Variants in CES5A observed in about 807,000 individuals in gnomAD.
CES5A encodes carboxylesterase 5A, also known as carboxylesterase 5.
Under a neutral mutation model 62.9 loss-of-function variants are expected in CES5A, and 67 were observed. The observed-to-expected ratio is 1.07, with a 90% CI of 0.88 to 1.31. CES5A has a LOEUF of 1.31. CES5A is among the 50% of genes most tolerant of loss of function. CES5A has a pLI of 0.00. For missense variants in CES5A, 748 were observed against 708.5 expected, an observed-to-expected ratio of 1.06 and a Z score of -0.63; for synonymous variants, 296 against 280.8, an observed-to-expected ratio of 1.05 and a Z score of -0.54.
intron 10 of CES5A, 78 bp from the exon 11 acceptor site, chr16:55,849,851 T>C: frequency 1.3e-6 from 2 of 1,484,186 alleles, no homozygotes; most frequent in African/African-American, 2.8e-5. Context: ...ACCTATCAAG[T>C]CTTGGATGTA....
intron 9 of CES5A, among the ~76,000 whole-genome samples, chr16:55,855,241 C>G (rs1247874968): frequency 6.6e-6 from 1 of 152,158 alleles, no homozygotes; most frequent in African/African-American, 2.4e-5. Flanking sequence ...CACATGTGTT[C>G]CATGGACAAG....
intron 5 of CES5A, among the ~76,000 whole-genome samples, 171 bp from the exon 6 acceptor site, chr16:55,863,623 G>C (rs2033398685): frequency 6.6e-6 from 1 of 152,180 alleles, no homozygotes; most frequent in African/African-American, 2.4e-5. Flanking sequence ...GTTTGGGCAA[G>C]TTACTCAACC....
chr16:55,937,780 T>C (rs1301258697), intron 2 of CES5A, among the ~76,000 whole-genome samples: 1 of 152,160 alleles, frequency 6.6e-6, no homozygotes, highest in African/African-American at 2.4e-5. Flanking sequence ...AGCCTGACCT[T>C]GGACAGGGCC....
rs190529497 is a variant in CES5A at position 55,949,738 on chromosome 16, C to T, written c.160+47G>A. ...GACTGTGAGTCAGCTGTTGGCCAGACTCAAGGGGCAGACCCAACCCTGGTA... is the reference window on the plus strand; with the variant it reads ...GACTGTGAGTCAGCTGTTGGCCAGATTCAAGGGGCAGACCCAACCCTGGTA... On this transcript the variant is annotated intron_variant, in intron 2 of 13. Coordinates refer to the CES5A transcript ENST00000521992. The T allele has an allele frequency of 1.4e-5, 12 of 866,748 alleles. No individual in the cohort carries two copies. The Admixed American group carries it at 3.2e-4, about 23-fold the overall frequency. The allele number at this position is 866,748 out of a possible 1,614,324, so 53.7% of individuals were successfully genotyped here. A position where few individuals can be genotyped will look rare whatever the true frequency, so the allele number is the denominator to read the frequency against.
chr16:55,853,146 C>T (rs1167809917), intron 9 of CES5A, 118 bp from the exon 10 acceptor site: 2 of 960,490 alleles, frequency 2.1e-6, no homozygotes, highest in Non-Finnish European at 3.2e-6. Context: ...ATTTAACCCA[C>T]ACAGCAACCC....
At chr16:55,943,989 C>T (rs183819620) in intron 2 of CES5A, 2 of 700,584 alleles carry the variant, frequency 2.9e-6, no homozygotes. Flanking sequence ...CCAGGTATCC[C>T]ACCTGAGGAT....
At chr16:55,935,962 A>C (rs761529440) in intron 2 of CES5A, among the ~76,000 whole-genome samples, 2 of 152,224 alleles carry the variant, frequency 1.3e-5, no homozygotes, top group African/African-American at 2.4e-5. Flanking sequence ...GAGATGGCAC[A>C]CAAAAGCTGA....
chr16:55,866,601 T>C (rs1316621077), intron 4 of CES5A, among the ~76,000 whole-genome samples: 1 of 145,670 alleles, frequency 6.9e-6, no homozygotes, highest in African/African-American at 2.6e-5. Flanking sequence ...GGCGGGCAGA[T>C]CATGATGTCA....
At chr16:55,869,136 C>T (rs2033530393) in intron 4 of CES5A, among the ~76,000 whole-genome samples, 1 of 152,232 alleles carries the variant, frequency 6.6e-6, no homozygotes. Flanking sequence ...AGTGGGGCTA[C>T]ATGGCCCCAG....
At chr16:55,929,743 A>C (rs1329073916), upstream of CES5A, among the ~76,000 whole-genome samples, 3 of 152,258 alleles carry the variant, frequency 2.0e-5, no homozygotes, top group African/African-American at 7.2e-5. Context: ...GAATCATGAA[A>C]GTGCAGGATT....
Position 55,852,913 on chromosome 16 carries a change from A to C in CES5A, c.1241T>G (p.Val414Gly). 6.2e-7 allele frequency: 1 copy of C among 1,614,090 alleles called. No individual in the cohort carries two copies. Among genetic ancestry groups the C allele is most frequent in the East Asian group, 2.2e-5 (1 of 44,880 alleles). ...LDLLGDVFFV[V>G]PALITARYHR... ...ATATCGAGCTGTGATCAGTGCAGGG[A>C]CCACAAAGAACACATCTCCAAGCAA... The change falls in exon 10 of 13, where the codon GTC (valine) becomes GGC (glycine). Residue 414 changes from valine (V) to glycine (G), a missense_variant. Val to Gly is a moderately radical substitution (Grantham distance 109). Coordinates refer to ENST00000290567, the MANE Select transcript of CES5A (RefSeq NM_001143685.2).
chr16:55,849,724 G>T lies in CES5A; in HGVS notation c.1323C>A (p.Cys441Ter). The T allele has an allele frequency of 6.2e-7, 1 of 1,613,996 alleles. No homozygotes were observed. Among genetic ancestry groups the T allele is most frequent in the Non-Finnish European group, 8.5e-7 (1 of 1,179,882 alleles). The stretch of plus-strand genomic sequence containing the variant: ...CAAAAGCTGGCTTCGTGTCTTCAAA[G>T]CACTGAGGCCGGTGCCGAAACTCAT... ...YFYEFRHRPQ[C>*]FEDTKPAFVK... The change falls in exon 11 of 13, where the codon TGC becomes TGA. Residue 441 changes from cysteine (C) to a stop codon, truncating the protein, a stop_gained. Coordinates refer to ENST00000290567, the MANE Select transcript of CES5A (RefSeq NM_001143685.2). LOFTEE classifies it high-confidence loss of function.
rs1252885237 is a variant in CES5A, at chr16:55,846,358, C to T, written c.*93G>A. 4.3e-6 allele frequency: 4 copies of T among 929,232 alleles called. No individual in the cohort carries two copies. Among genetic ancestry groups the T allele is most frequent in the Non-Finnish European group, 5.1e-6 (3 of 592,566 alleles). The allele number at this position is 929,232 out of a possible 1,614,324, so 57.6% of individuals were successfully genotyped here. A position where few individuals can be genotyped will look rare whatever the true frequency, so the allele number is the denominator to read the frequency against. On this transcript the variant is annotated 3_prime_UTR_variant, in exon 13 of 13. Transcript: ENST00000290567. ...AAAGCAGCTTGTTTTGCAAGGATCC[C>T]CATAGAAAGCAGCTGAGCTCAGAAA...
At chr16:55,888,368 A>G (rs1330042020) in intron 1 of CES5A, among the ~76,000 whole-genome samples, 1 of 152,220 alleles carries the variant, frequency 6.6e-6, no homozygotes, top group Non-Finnish European at 1.5e-5. Flanking sequence ...GCACAGAAGG[A>G]GCAACCTTTA....
chr16:55,869,703 T>A lies in CES5A; in HGVS notation c.459A>T (p.Ser153=). 6.2e-7 allele frequency: 1 copy of A among 1,610,148 alleles called. No homozygotes were observed. Among genetic ancestry groups the A allele is most frequent in the South Asian group, 1.1e-5 (1 of 90,296 alleles). The change falls in exon 4 of 13, where the codon TCA becomes TCT. Residue 153 remains serine (S), a synonymous_variant. Transcript: ENST00000290567. ...WFPGGAFKTG[S]ASIFDGSALA... ...GGGCGGACCCATCAAAGATGGAGGC[T>A]GAGCCAGTCTTGAAGGCACCTCCTG...
chr16:55,848,801 T>C (rs556374978), intron 11 of CES5A, among the ~76,000 whole-genome samples: 2 of 152,354 alleles, frequency 1.3e-5, no homozygotes. Context: ...TCAGGAATGG[T>C]TGCTGAGAAA....
exon 2 of CES5A, chr16:55,949,842 A>C: frequency 1.3e-6 from 2 of 1,528,218 alleles, no homozygotes; most frequent in Non-Finnish European, 1.8e-6. Context: ...AAAGTTGAGG[A>C]GGCTGGATAA....
intron 1 of CES5A, among the ~76,000 whole-genome samples, chr16:55,909,647 C>T (rs2034073612): frequency 6.6e-6 from 1 of 152,106 alleles, no homozygotes. Context: ...TTCTGAGCTA[C>T]CATGAATAAG....
intron 9 of CES5A, among the ~76,000 whole-genome samples, chr16:55,854,580 T>C: frequency 6.8e-6 from 1 of 146,058 alleles, no homozygotes. Context: ...CTCGCTCTGT[T>C]GCCCAGGCTA....
Sources: gnomAD v4.1 joint callset for allele counts (sites outside exome capture counted in the v4.1 genomes callset) on GRCh38, gnomAD v4.1.1 for gene constraint, MANE v1.5 for transcripts, NCBI Gene and HGNC (gene_info 2026-07-23, HGNC 2026-07-21) for gene names.